Variants in TRAPPC9 observed in about 807,000 individuals in gnomAD.
TRAPPC9 encodes the protein trafficking protein particle complex subunit 9.
In TRAPPC9, 83 loss-of-function variants were observed where a neutral mutation model predicts 124.0. The ratio of observed to expected loss-of-function variants is 0.67; its 90% CI spans 0.56 to 0.80. The LOEUF (loss-of-function observed/expected upper bound fraction) is 0.80. TRAPPC9 is among the 30% of genes least tolerant of loss of function. The probability of loss-of-function intolerance (pLI) is 0.00; values close to 1 mark genes in which losing one functional copy is unlikely to be tolerated. For missense variants in TRAPPC9, 1,302 were observed against 1,508.3 expected, an observed-to-expected ratio of 0.86 and a Z score of 2.27; for synonymous variants, 638 against 617.5, an observed-to-expected ratio of 1.03 and a Z score of -0.49.
At chr8:140,209,503 T>C (rs1405430921) in intron 17 of TRAPPC9, among the ~76,000 whole-genome samples, 13 of 152,234 alleles carry the variant, frequency 8.5e-5, no homozygotes, top group Admixed American at 8.5e-4. Context: ...CATCTCTTAC[T>C]TCTACATTTC....
chr8:139,889,415 C>T (rs568565058), intron 20 of TRAPPC9, among the ~76,000 whole-genome samples: 1 of 152,266 alleles, frequency 6.6e-6, no homozygotes, highest in East Asian at 1.9e-4. Flanking sequence ...TCACTTGGGG[C>T]CTGAATCGCC....
intron 19 of TRAPPC9, chr8:139,933,418 T>A (rs1313190986): frequency 6.6e-6 from 1 of 152,252 alleles, no homozygotes; most frequent in African/African-American, 2.4e-5. Context: ...ACTGATCCAC[T>A]CAGCGCACAG....
At chr8:139,796,469 C>G (rs1032042832) in intron 21 of TRAPPC9, among the ~76,000 whole-genome samples, 1 of 152,174 alleles carries the variant, frequency 6.6e-6, no homozygotes, top group African/African-American at 2.4e-5. Context: ...ACGAATTTGT[C>G]AATTCTGGAC....
At chr8:140,047,570 G>A (rs1017491704) in intron 17 of TRAPPC9, among the ~76,000 whole-genome samples, 1 of 152,190 alleles carries the variant, frequency 6.6e-6, no homozygotes, top group Admixed American at 6.5e-5. Context: ...ACAAGAGTGG[G>A]CTGGCTGGGC....
intron 21 of TRAPPC9, among the ~76,000 whole-genome samples, chr8:139,826,840 G>C (rs1825674989): frequency 6.6e-6 from 1 of 152,210 alleles, no homozygotes; most frequent in South Asian, 2.1e-4. Context: ...GGTTGGTACA[G>C]GTCCCTGTGG....
chr8:140,062,744 C>G (rs144266201), intron 17 of TRAPPC9, among the ~76,000 whole-genome samples: 2 of 152,126 alleles, frequency 1.3e-5, no homozygotes, highest in Non-Finnish European at 2.9e-5. Context: ...ATTACCGGCA[C>G]GCACAGTGGC....
intron 21 of TRAPPC9, among the ~76,000 whole-genome samples, chr8:139,828,035 T>C (rs1825752572): frequency 6.6e-6 from 1 of 152,056 alleles, no homozygotes. Context: ...ACCCCCACGA[T>C]CCAAACACCT....
At chr8:140,045,655 A>C (rs1334834870) in intron 17 of TRAPPC9, among the ~76,000 whole-genome samples, 1 of 149,528 alleles carries the variant, frequency 6.7e-6, no homozygotes, top group African/African-American at 2.5e-5. Context: ...AAAAAAAAAA[A>C]AAAACCAAGT....
intron 17 of TRAPPC9, chr8:140,095,184 T>TA (rs1374890082): frequency 3.3e-5 from 5 of 152,250 alleles, no homozygotes; most frequent in African/African-American, 1.2e-4. Flanking sequence ...GCTGGAGGCT[T>TA]CAGCAGGTCT....
chr8:139,989,798 G>A (rs963594413), intron 18 of TRAPPC9, among the ~76,000 whole-genome samples: 12 of 152,304 alleles, frequency 7.9e-5, no homozygotes, highest in Non-Finnish European at 1.5e-4. Context: ...AGCCCCAAAC[G>A]CGCCGTCCGT....
chr8:139,836,551 C>A (rs1016518008), intron 21 of TRAPPC9, among the ~76,000 whole-genome samples: 1 of 152,222 alleles, frequency 6.6e-6, no homozygotes, highest in Admixed American at 6.5e-5. Context: ...TGCTCCCCTG[C>A]AGCAATGCAG....
At chr8:140,423,717 T>C (rs945347467) in intron 5 of TRAPPC9, among the ~76,000 whole-genome samples, 13 of 151,304 alleles carry the variant, frequency 8.6e-5, no homozygotes, top group African/African-American at 2.4e-4. Context: ...CATATATACA[T>C]ATATACACAT....
At chr8:140,123,631 G>A (rs1031976055) in intron 17 of TRAPPC9, among the ~76,000 whole-genome samples, 9 of 152,220 alleles carry the variant, frequency 5.9e-5, no homozygotes, top group Non-Finnish European at 8.8e-5. Flanking sequence ...CATGCCCCAT[G>A]TACTTCTCGC....
chr8:139,820,921 G>A (rs1352390271), intron 21 of TRAPPC9, among the ~76,000 whole-genome samples: 1 of 152,200 alleles, frequency 6.6e-6, no homozygotes, highest in Non-Finnish European at 1.5e-5. Context: ...AAGAGAGTAT[G>A]TGTGTATATA....
chr8:140,155,815 G>A (rs914006383), intron 17 of TRAPPC9, among the ~76,000 whole-genome samples: 2 of 152,178 alleles, frequency 1.3e-5, no homozygotes, highest in African/African-American at 4.8e-5. Context: ...AAGGGGTTAT[G>A]TTCTAACAAA....
chr8:139,838,080 G>A lies in TRAPPC9; in HGVS notation c.3055+47799C>T, dbSNP rs749720279. ...GCTGCACCCACAGGCCTCCACACCA[G>A]GACTCTTCTCTCTCTTTGTGGAATT... On this transcript the variant is annotated intron_variant, in intron 21 of 22. Coordinates refer to ENST00000438773, the MANE Select transcript of TRAPPC9 (RefSeq NM_001160372.4). Among the ~76,000 whole-genome samples, 111 of 152,266 alleles carry A rather than the reference G, an allele frequency of 7.3e-4. 1 individual carries two copies. Among genetic ancestry groups the A allele is most frequent in the Non-Finnish European group, 9.4e-4 (64 of 68,018 alleles).
intron 18 of TRAPPC9, among the ~76,000 whole-genome samples, chr8:139,999,933 A>G (rs1038441937): frequency 5.9e-5 from 9 of 152,332 alleles, no homozygotes; most frequent in South Asian, 2.1e-4. Flanking sequence ...AGAAAAATCC[A>G]TATCATTAAG....
At chr8:140,276,992 C>G (rs891938191) in intron 14 of TRAPPC9, among the ~76,000 whole-genome samples, 10 of 152,174 alleles carry the variant, frequency 6.6e-5, no homozygotes, top group African/African-American at 2.4e-4. Context: ...TGGACCACCC[C>G]ACTCCAGACA....
chr8:140,254,572 G>A (rs1185885869), intron 15 of TRAPPC9, among the ~76,000 whole-genome samples: 1 of 152,220 alleles, frequency 6.6e-6, no homozygotes, highest in Non-Finnish European at 1.5e-5. Flanking sequence ...CAACACAGGG[G>A]ACAGGAAGCC....
Sources: gnomAD v4.1 joint callset for allele counts (sites outside exome capture counted in the v4.1 genomes callset) on GRCh38, gnomAD v4.1.1 for gene constraint, MANE v1.5 for transcripts, NCBI Gene and HGNC (gene_info 2026-07-23, HGNC 2026-07-21) for gene names.